Variants in GABRB2 observed in about 807,000 individuals in gnomAD.
The protein encoded by GABRB2 is gamma-aminobutyric acid receptor subunit beta-2.
In GABRB2, 16 loss-of-function variants were observed where a neutral mutation model predicts 54.7. The ratio of observed to expected loss-of-function variants is 0.29; its 90% CI spans 0.20 to 0.44. GABRB2 has a LOEUF of 0.44. Among genes scored for constraint, GABRB2 ranks in the 20% least tolerant of loss-of-function variants. The pLI, the probability that GABRB2 is intolerant of heterozygous loss-of-function variation, is 1.00. For synonymous variants in GABRB2, 244 were observed against 233.8 expected (o/e 1.04, Z -0.40); for missense variants, 355 against 644.0 (o/e 0.55, Z 4.86).
At chr5:161,411,787 A>C (rs761513886) in intron 4 of GABRB2, among the ~76,000 whole-genome samples, 3 of 151,948 alleles carry the variant, frequency 2.0e-5, no homozygotes, top group Non-Finnish European at 4.4e-5. Flanking sequence ...GACCTTCTAG[A>C]AGCCAAAAAA....
At position 161,327,036 on chromosome 5, in the gene GABRB2, A is replaced by T. The variant is rs1758386450; in HGVS notation, c.1078-555T>A. 4 of 895,586 alleles carry T rather than the reference A, an allele frequency of 4.5e-6. No individual in the cohort carries two copies. In the Admixed American group the frequency reaches 2.0e-4, roughly 46 times the overall value. The allele number at this position is 895,586 out of a possible 1,614,324, so 55.5% of individuals were successfully genotyped here. Reference sequence around the variant, plus strand: ...GTGAAATCAATCAAAAGCAAATTCCATTAGGACACACACACACACACACAC... The same window carrying T: ...GTGAAATCAATCAAAAGCAAATTCCTTTAGGACACACACACACACACACAC... On this transcript the variant is annotated intron_variant, in intron 8 of 9. Transcript: ENST00000393959.
At position 161,526,001 on chromosome 5, in the gene GABRB2, C is replaced by T. The variant is rs549667141; in HGVS notation, c.237+19226G>A. On this transcript the variant is annotated intron_variant, in intron 3 of 9. Coordinates refer to ENST00000393959, the MANE Select transcript of GABRB2 (RefSeq NM_001371727.1). ...AGTTGATATAAATTCTTTTCTCCTA[C>T]AATTTCTGAGCTTTTGCCTTCTTCT... Among the ~76,000 whole-genome samples, 149 of 151,408 alleles carry T rather than the reference C, an allele frequency of 9.8e-4. 1 individual carries two copies. The Middle Eastern group carries it at 0.01, about 10-fold the overall frequency.
intron 5 of GABRB2, among the ~76,000 whole-genome samples, chr5:161,368,967 G>A (rs1372187703): frequency 2.6e-5 from 4 of 152,124 alleles, no homozygotes; most frequent in African/African-American, 9.7e-5. Flanking sequence ...ATAGCAAATT[G>A]TATTTATGAC....
intron 9 of GABRB2, among the ~76,000 whole-genome samples, chr5:161,319,381 T>C (rs1009974221): frequency 6.7e-6 from 1 of 148,212 alleles, no homozygotes; most frequent in African/African-American, 2.4e-5. Flanking sequence ...TTGGTATCTA[T>C]GGAAAGGCTA....
At chr5:161,402,331 A>G (rs999392611) in intron 5 of GABRB2, among the ~76,000 whole-genome samples, 5 of 152,144 alleles carry the variant, frequency 3.3e-5, no homozygotes, top group Admixed American at 2.0e-4. Flanking sequence ...AATTTTTTAA[A>G]TGAGGTTAAA....
chr5:161,488,432 A>G (rs1206754460), intron 3 of GABRB2, among the ~76,000 whole-genome samples: 2 of 151,574 alleles, frequency 1.3e-5, no homozygotes, highest in Non-Finnish European at 3.0e-5. Context: ...TTACCTATGG[A>G]TCATTACCTC....
intron 4 of GABRB2, among the ~76,000 whole-genome samples, chr5:161,447,198 GAA>G (rs1203819584): frequency 1.3e-5 from 2 of 152,134 alleles, no homozygotes; most frequent in African/African-American, 4.8e-5. Flanking sequence ...CTGAAGCTTA[GAA>G]AGATAGAGCA....
intron 5 of GABRB2, among the ~76,000 whole-genome samples, chr5:161,370,460 C>T (rs1158701765): frequency 6.6e-6 from 1 of 152,156 alleles, no homozygotes; most frequent in Non-Finnish European, 1.5e-5. Flanking sequence ...GTGAACAGAT[C>T]TACCGCCTCC....
chr5:161,505,384 G>A (rs963566445), intron 3 of GABRB2, among the ~76,000 whole-genome samples: 6 of 151,930 alleles, frequency 3.9e-5, no homozygotes, highest in African/African-American at 7.3e-5. Context: ...ACCCGCCTCC[G>A]CCTCCCAAAG....
chr5:161,308,230 G>A (rs1757758563), intron 9 of GABRB2, among the ~76,000 whole-genome samples: 1 of 152,240 alleles, frequency 6.6e-6, no homozygotes. Flanking sequence ...CCCATCCATT[G>A]TGACAATAGT....
At chr5:161,353,833 C>T (rs1414521351) in intron 5 of GABRB2, among the ~76,000 whole-genome samples, 1 of 151,764 alleles carries the variant, frequency 6.6e-6, no homozygotes, top group African/African-American at 2.4e-5. Flanking sequence ...TAAAGCAAAA[C>T]AAAAAACCTA....
chr5:161,514,194 C>G (rs1332591308), intron 3 of GABRB2, among the ~76,000 whole-genome samples: 7 of 152,048 alleles, frequency 4.6e-5, no homozygotes, highest in African/African-American at 1.4e-4. Context: ...GATTATATGA[C>G]CAGAGTGCAG....
At chr5:161,386,227 C>G (rs566789852) in intron 5 of GABRB2, among the ~76,000 whole-genome samples, 1 of 152,186 alleles carries the variant, frequency 6.6e-6, no homozygotes, top group Non-Finnish European at 1.5e-5. Context: ...ATGATTTCTC[C>G]CATAAAATCT....
In GABRB2 at chr5:161,290,350, G is replaced by C. The variant is rs1365709754; in HGVS notation, c.*3731C>G. 6.6e-6 allele frequency: 1 copy of C among 151,428 alleles called. No homozygotes were observed. The highest frequency in any genetic ancestry group is 2.4e-5 in the African/African-American group (1 of 41,044). 9.4% of individuals were successfully genotyped at this position (151,428 alleles called of 1,614,324 possible). On this transcript the variant is annotated 3_prime_UTR_variant, in exon 10 of 10. Coordinates refer to ENST00000393959, the MANE Select transcript of GABRB2 (RefSeq NM_001371727.1). ...AATGGACAATGTTATTTGTTTCCTTGAAAAAGAGAGCAATTAGACAAGCAA... is the reference window on the plus strand; with the variant it reads ...AATGGACAATGTTATTTGTTTCCTTCAAAAAGAGAGCAATTAGACAAGCAA...
intron 3 of GABRB2, among the ~76,000 whole-genome samples, chr5:161,485,123 C>T (rs1369920813): frequency 6.6e-6 from 1 of 151,692 alleles, no homozygotes; most frequent in African/African-American, 2.4e-5. Context: ...AAATATATAC[C>T]ACTTTCTATA....
chr5:161,485,058 C>T (rs72813580), intron 3 of GABRB2, among the ~76,000 whole-genome samples: 41 of 151,896 alleles, frequency 2.7e-4, no homozygotes, highest in East Asian at 2.1e-3. Context: ...TCTGTATGAC[C>T]GTTCCCTTCT....
intron 8 of GABRB2, chr5:161,330,092 C>G (rs1458314518): frequency 6.6e-6 from 1 of 151,462 alleles, no homozygotes; most frequent in African/African-American, 2.4e-5. Flanking sequence ...GGGAGGGGAC[C>G]AAGGCTTCAG....
chr5:161,299,809 C>T (rs1166765885), intron 9 of GABRB2, among the ~76,000 whole-genome samples: 2 of 152,072 alleles, frequency 1.3e-5, no homozygotes, highest in African/African-American at 4.8e-5. Context: ...ATTTAAAGAT[C>T]TCAACAACTC....
chr5:161,332,082 C>A (rs556712860), intron 7 of GABRB2, among the ~76,000 whole-genome samples: 1 of 145,892 alleles, frequency 6.9e-6, no homozygotes, highest in Admixed American at 7.1e-5. Flanking sequence ...AGGAGAATGG[C>A]GTGAACCCGG....
Sources: allele counts gnomAD v4.1 joint callset (sites outside exome capture counted in the v4.1 genomes callset), GRCh38; gene constraint gnomAD v4.1.1; transcripts MANE v1.5; gene names NCBI Gene and HGNC (gene_info 2026-07-23, HGNC 2026-07-21).